Variants in NFIB observed in about 807,000 individuals in gnomAD.
The protein encoded by NFIB is nuclear factor I B.
NFIB carries 11 observed loss-of-function variants against 61.5 expected under a neutral mutation model. The observed-to-expected ratio is 0.18, with a 90% CI of 0.11 to 0.30. The LOEUF (loss-of-function observed/expected upper bound fraction) is 0.30. NFIB is among the 10% of genes least tolerant of loss of function. The pLI is 1.00. For missense variants in NFIB, 471 were observed against 608.9 expected, an observed-to-expected ratio of 0.77 and a Z score of 2.38; for synonymous variants, 260 against 216.5, an observed-to-expected ratio of 1.20 and a Z score of -1.76.
At chr9:14,105,220 A>G (rs1006053679) in intron 10 of NFIB, among the ~76,000 whole-genome samples, 1 of 152,216 alleles carries the variant, frequency 6.6e-6, no homozygotes, top group Non-Finnish European at 1.5e-5. Flanking sequence ...AAACCTGACT[A>G]CAGCTATTCA....
chr9:14,141,818 C>G (rs953677773), intron 6 of NFIB, among the ~76,000 whole-genome samples: 3 of 148,204 alleles, frequency 2.0e-5, no homozygotes, highest in Admixed American at 6.9e-5. Context: ...AAATCCCCAG[C>G]TGAGGGCAAC....
At chr9:14,137,421 CAG>C (rs2041187540) in intron 6 of NFIB, among the ~76,000 whole-genome samples, 1 of 152,140 alleles carries the variant, frequency 6.6e-6, no homozygotes, top group African/African-American at 2.4e-5. Flanking sequence ...ATTTAAGAAA[CAG>C]AAAACTTTCT....
At chr9:14,507,562 G>A in the NFIB span, among the ~76,000 whole-genome samples, 11 of 152,192 alleles carry the variant, frequency 7.2e-5, no homozygotes, top group Admixed American at 3.3e-4. Context: ...ACTAAATACC[G>A]GTTTGGTTTG....
chr9:14,527,765 A>C, the NFIB span, among the ~76,000 whole-genome samples: 1 of 152,290 alleles, frequency 6.6e-6, no homozygotes, highest in South Asian at 2.1e-4. Context: ...TATGGTTATT[A>C]TATGTATGGT....
At chr9:14,144,089 T>C (rs1259982418) in intron 6 of NFIB, among the ~76,000 whole-genome samples, 2 of 151,084 alleles carry the variant, frequency 1.3e-5, no homozygotes, top group East Asian at 3.9e-4. Context: ...ATAATATGCC[T>C]TTACAGACTC....
At chr9:14,123,328 G>C (rs1270700916) in intron 7 of NFIB, among the ~76,000 whole-genome samples, 1 of 151,606 alleles carries the variant, frequency 6.6e-6, no homozygotes, top group Non-Finnish European at 1.5e-5. Context: ...TATTATGAAA[G>C]AATACATACA....
At chr9:14,391,021 A>G (rs2061612880) in intron 1 of NFIB, among the ~76,000 whole-genome samples, 1 of 152,244 alleles carries the variant, frequency 6.6e-6, no homozygotes, top group Non-Finnish European at 1.5e-5. Flanking sequence ...GACACATTTC[A>G]CATACAGAAG....
chr9:14,400,755 A>G (rs2061734984), upstream of NFIB, among the ~76,000 whole-genome samples: 3 of 152,212 alleles, frequency 2.0e-5, no homozygotes, highest in Admixed American at 6.5e-5. Context: ...CTCGTTCATT[A>G]TTGAGAAAAA....
At chr9:14,257,512 T>A (rs2056337087) in intron 2 of NFIB, among the ~76,000 whole-genome samples, 1 of 152,118 alleles carries the variant, frequency 6.6e-6, no homozygotes, top group African/African-American at 2.4e-5. Flanking sequence ...TGCCAGCACT[T>A]TGGGAGGCCA....
At chr9:14,273,338 A>C (rs1279917064) in intron 2 of NFIB, among the ~76,000 whole-genome samples, 5 of 152,176 alleles carry the variant, frequency 3.3e-5, no homozygotes, top group African/African-American at 1.2e-4. Flanking sequence ...GGTGGAGTGG[A>C]AGACTCGGGG....
chr9:14,212,684 T>C (rs2131737283), intron 2 of NFIB, among the ~76,000 whole-genome samples: 1 of 152,130 alleles, frequency 6.6e-6, no homozygotes, highest in East Asian at 1.9e-4. Context: ...ATATTTCACA[T>C]AATATAATTA....
chr9:14,347,681 T>TG lies in NFIB; in HGVS notation c.109-40162dup, dbSNP rs903265280. ...GGTCCGCCCAAGGTCCCAGAGGCACTGGGGGGTCGGGTGACTGTGCGGAGT... is the reference window on the plus strand; with the variant it reads ...GGTCCGCCCAAGGTCCCAGAGGCACTGGGGGGGTCGGGTGACTGTGCGGAGT... On this transcript the variant is annotated intron_variant, in intron 1 of 8. Coordinates refer to the NFIB transcript ENST00000380934. 1.3e-4 allele frequency among the ~76,000 whole-genome samples: 20 copies of TG among 152,120 alleles called. No individual in the cohort carries two copies. The East Asian group carries it at 1.7e-3, about 13-fold the overall frequency.
chr9:14,193,102 A>C (rs1294418997), intron 2 of NFIB, among the ~76,000 whole-genome samples: 7 of 151,654 alleles, frequency 4.6e-5, no homozygotes, highest in East Asian at 1.9e-4. Context: ...TTTGTAATGC[A>C]TACTGATACA....
At chr9:14,326,106 T>G (rs2060749200) in intron 1 of NFIB, among the ~76,000 whole-genome samples, 1 of 152,218 alleles carries the variant, frequency 6.6e-6, no homozygotes, top group African/African-American at 2.4e-5. Context: ...CCTGCACTAC[T>G]TTTATTCAGG....
At chr9:14,142,025 TTAGA>T (rs2041786886) in intron 6 of NFIB, among the ~76,000 whole-genome samples, 1 of 152,108 alleles carries the variant, frequency 6.6e-6, no homozygotes, top group African/African-American at 2.4e-5. Flanking sequence ...ACATTCAGAC[TTAGA>T]TAAATTAGTG....
intron 2 of NFIB, among the ~76,000 whole-genome samples, chr9:14,284,183 G>A (rs925090711): frequency 6.6e-6 from 1 of 151,918 alleles, no homozygotes; most frequent in Non-Finnish European, 1.5e-5. Context: ...TAGTTCCCTG[G>A]GTAACTGTAA....
At chr9:14,369,704 C>A (rs2061338053) in intron 1 of NFIB, among the ~76,000 whole-genome samples, 1 of 152,134 alleles carries the variant, frequency 6.6e-6, no homozygotes, top group Non-Finnish European at 1.5e-5. Flanking sequence ...AATTAGTCAC[C>A]ACGTTTTATT....
At chr9:14,478,929 C>G in the NFIB span, among the ~76,000 whole-genome samples, 1 of 152,194 alleles carries the variant, frequency 6.6e-6, no homozygotes, top group African/African-American at 2.4e-5. Context: ...ATTCCCATCA[C>G]CAGGGTGCAC....
chr9:14,092,364 TAC>T (rs544103700), intron 10 of NFIB, among the ~76,000 whole-genome samples: 1 of 152,200 alleles, frequency 6.6e-6, no homozygotes, highest in South Asian at 2.1e-4. Context: ...TTACATATGC[TAC>T]ACCACTTAAT....
Sources: allele counts gnomAD v4.1 joint callset (sites outside exome capture counted in the v4.1 genomes callset), GRCh38; gene constraint gnomAD v4.1.1; transcripts MANE v1.5; gene names NCBI Gene and HGNC (gene_info 2026-07-23, HGNC 2026-07-21).